Variants in ZSCAN25 observed in about 807,000 individuals in gnomAD.
ZSCAN25 encodes the protein zinc finger and SCAN domain-containing protein 25.
ZSCAN25 carries 27 observed loss-of-function variants against 38.7 expected under a neutral mutation model. The observed-to-expected ratio is 0.70, with a 90% CI of 0.51 to 0.96. The LOEUF is 0.96. Ranked by LOEUF, ZSCAN25 falls within the 40% of genes least tolerant of loss-of-function variation. The probability of loss-of-function intolerance (pLI) is 0.00; values close to 1 mark genes in which losing one functional copy is unlikely to be tolerated. For missense variants in ZSCAN25, 637 were observed against 705.9 expected (o/e 0.90, Z 1.11); for synonymous variants, 273 against 277.7 (o/e 0.98, Z 0.17).
intron 7 of ZSCAN25, among the ~76,000 whole-genome samples, chr7:99,625,690 C>G (rs977421190): frequency 6.6e-6 from 1 of 152,176 alleles, no homozygotes; most frequent in Non-Finnish European, 1.5e-5. Context: ...ATATTCCCCT[C>G]CCAGTGATGC....
chr7:99,647,457 A>C, the ZSCAN25 span: 123,227 of 982,922 alleles, frequency 0.13, 19,555 homozygotes, highest in African/African-American at 0.71. Context: ...ACGAATTGAC[A>C]ATTTTTTATT....
the ZSCAN25 span, chr7:99,648,020 A>T: frequency 1.0e-6 from 1 of 985,444 alleles, no homozygotes; most frequent in Non-Finnish European, 1.2e-6. Context: ...GCTCAGGAGG[A>T]GTTGATAATG....
the ZSCAN25 span, chr7:99,648,349 C>T: frequency 2.5e-6 from 4 of 1,612,252 alleles, no homozygotes; most frequent in Non-Finnish European, 3.4e-6. Context: ...ACCTTTAGAA[C>T]AATGGGTTTT....
At chr7:99,709,086 A>G in the ZSCAN25 span, 20 of 1,613,302 alleles carry the variant, frequency 1.2e-5, 1 homozygote, top group African/African-American at 2.3e-4. Context: ...GTCATGATGA[A>G]GAACATAGCT....
the ZSCAN25 span, among the ~76,000 whole-genome samples, chr7:99,680,616 A>G: frequency 1.3e-5 from 2 of 152,184 alleles, no homozygotes; most frequent in African/African-American, 4.8e-5. Flanking sequence ...CATGGTGGGT[A>G]ACCAGGAATG....
intron 7 of ZSCAN25, among the ~76,000 whole-genome samples, chr7:99,627,722 A>G (rs1038314467): frequency 4.6e-5 from 7 of 151,720 alleles, no homozygotes; most frequent in Non-Finnish European, 7.4e-5. Context: ...CTGTATACGT[A>G]TATCTCGTAT....
At chr7:99,650,232 C>A in the ZSCAN25 span, 5 of 1,612,820 alleles carry the variant, frequency 3.1e-6, no homozygotes, top group African/African-American at 6.7e-5. Context: ...TCTTACTGAA[C>A]CTAGTTCCAT....
the ZSCAN25 span, chr7:99,731,285 C>A: frequency 2.0e-6 from 2 of 980,590 alleles, no homozygotes; most frequent in East Asian, 2.6e-5. Context: ...ATAACAGTAA[C>A]TCTGACGGCA....
At chr7:99,663,130 T>C in the ZSCAN25 span, 2 of 1,215,066 alleles carry the variant, frequency 1.6e-6, no homozygotes, top group African/African-American at 1.6e-5. Flanking sequence ...CCTCCCTGTT[T>C]CTCATCTTCT....
At chr7:99,651,382 C>A in the ZSCAN25 span, among the ~76,000 whole-genome samples, 1 of 152,130 alleles carries the variant, frequency 6.6e-6, no homozygotes, top group East Asian at 1.9e-4. Flanking sequence ...TGACACATGG[C>A]AAGCACTATC....
At chr7:99,684,718 CT>C in the ZSCAN25 span, among the ~76,000 whole-genome samples, 1 of 152,108 alleles carries the variant, frequency 6.6e-6, no homozygotes, top group African/African-American at 2.4e-5. Flanking sequence ...TTAATATAAA[CT>C]TATTATAGAA....
chr7:99,700,512 C>T, the ZSCAN25 span, among the ~76,000 whole-genome samples: 1 of 152,080 alleles, frequency 6.6e-6, no homozygotes, highest in Non-Finnish European at 1.5e-5. Context: ...CCTTGCACGC[C>T]CAGCCAGACA....
chr7:99,650,290 T>C, the ZSCAN25 span: 14 of 1,541,952 alleles, frequency 9.1e-6, no homozygotes, highest in African/African-American at 1.4e-5. Flanking sequence ...CAGAGTTACA[T>C]GTTAGGGGTT....
the ZSCAN25 span, among the ~76,000 whole-genome samples, chr7:99,691,120 A>G: frequency 6.6e-6 from 1 of 152,244 alleles, no homozygotes; most frequent in Non-Finnish European, 1.5e-5. Flanking sequence ...GCCATAAAAA[A>G]TGAAGAGTTC....
intron 5 of ZSCAN25, 156 bp from the exon 6 acceptor site, chr7:99,622,393 C>T (rs1584350265): frequency 2.7e-6 from 2 of 736,724 alleles, no homozygotes; most frequent in Admixed American, 2.1e-5. Flanking sequence ...GGCCCCTGTG[C>T]ATGGGAAAGT....
At chr7:99,643,500 A>C in the ZSCAN25 span, among the ~76,000 whole-genome samples, 1 of 151,774 alleles carries the variant, frequency 6.6e-6, no homozygotes, top group African/African-American at 2.4e-5. Flanking sequence ...CAGCAAATGC[A>C]TATTGAACAT....
At chr7:99,663,634 G>A in the ZSCAN25 span, 1 of 1,009,178 alleles carries the variant, frequency 9.9e-7, no homozygotes, top group Non-Finnish European at 1.2e-6. Flanking sequence ...TATGAGGAAA[G>A]CACAATACCA....
chr7:99,657,158 C>G, the ZSCAN25 span, among the ~76,000 whole-genome samples: 1 of 152,142 alleles, frequency 6.6e-6, no homozygotes, highest in Admixed American at 6.5e-5. Flanking sequence ...TTCTCTAGTT[C>G]TTTTCATTGT....
In ZSCAN25 at chr7:99,631,880, A is replaced by G. The variant is rs1370412714; in HGVS notation, c.*1860A>G. 1 of 985,478 alleles carries G rather than the reference A, an allele frequency of 1.0e-6. No individual in the cohort carries two copies. The highest frequency in any genetic ancestry group is 1.1e-4 in the East Asian group (1 of 8,810). 61.0% of individuals were successfully genotyped at this position (985,478 alleles called of 1,614,324 possible). ...GCTCCTCTGTAATACTGAGGTCCAC[A>G]TGCAAAATCAGCTTTTTTTCCCCCG... On this transcript the variant is annotated 3_prime_UTR_variant, in exon 8 of 8. Coordinates refer to ENST00000394152, the MANE Select transcript of ZSCAN25 (RefSeq NM_145115.3).
Sources: allele counts gnomAD v4.1 joint callset (sites outside exome capture counted in the v4.1 genomes callset), GRCh38; gene constraint gnomAD v4.1.1; transcripts MANE v1.5; gene names NCBI Gene and HGNC (gene_info 2026-07-23, HGNC 2026-07-21).